METAP1D: variants seen among roughly 807,000 people sequenced by gnomAD.
The protein encoded by METAP1D is methionyl aminopeptidase type 1D, mitochondrial.
Under a neutral mutation model 40.5 loss-of-function variants are expected in METAP1D, and 31 were observed. The ratio of observed to expected loss-of-function variants is 0.77; its 90% confidence interval spans 0.58 to 1.03. The LOEUF (loss-of-function observed/expected upper bound fraction) is 1.03. Among genes scored for constraint, METAP1D ranks in the 50% least tolerant of loss-of-function variants. The pLI is 0.00. For missense variants in METAP1D, 411 were observed against 420.7 expected, an observed-to-expected ratio of 0.98 and a Z score of 0.20; for synonymous variants, 151 against 146.4, an observed-to-expected ratio of 1.03 and a Z score of -0.22.
intron 1 of METAP1D, among the ~76,000 whole-genome samples, chr2:172,033,439 C>T (rs904843996): frequency 3.3e-5 from 5 of 151,712 alleles, no homozygotes; most frequent in African/African-American, 7.3e-5. Context: ...CTGCAACCTC[C>T]GCCTCCCGAG....
At chr2:172,000,186 AC>A (rs1184275372) in intron 1 of METAP1D, among the ~76,000 whole-genome samples, 177 bp downstream of exon 1, 1 of 152,190 alleles carries the variant, frequency 6.6e-6, no homozygotes, top group Non-Finnish European at 1.5e-5. Context: ...ACAGGATCAC[AC>A]ATACAAATTT....
chr2:172,004,162 G>A (rs1688528015), intron 1 of METAP1D, among the ~76,000 whole-genome samples: 1 of 152,096 alleles, frequency 6.6e-6, no homozygotes, highest in Non-Finnish European at 1.5e-5. Flanking sequence ...TGAGAATTTT[G>A]TTACCTTAGT....
At chr2:172,023,177 A>G (rs909994009) in intron 1 of METAP1D, among the ~76,000 whole-genome samples, 3 of 152,326 alleles carry the variant, frequency 2.0e-5, no homozygotes, top group Admixed American at 6.5e-5. Flanking sequence ...AACAAAAGCA[A>G]AACTCCATCT....
At chr2:172,059,207 C>T (rs983536139) in intron 1 of METAP1D, among the ~76,000 whole-genome samples, 3 of 151,040 alleles carry the variant, frequency 2.0e-5, no homozygotes, top group Non-Finnish European at 2.9e-5. Context: ...CTTCCGGGTT[C>T]GAGTAGTTCT....
chr2:172,009,008 G>A (rs903317216), intron 1 of METAP1D, among the ~76,000 whole-genome samples: 2 of 151,974 alleles, frequency 1.3e-5, no homozygotes, highest in African/African-American at 2.4e-5. Flanking sequence ...GTGCAGAACG[G>A]TGTGTTTGTG....
At chr2:172,058,399 G>A (rs901969669) in intron 1 of METAP1D, among the ~76,000 whole-genome samples, 4 of 152,180 alleles carry the variant, frequency 2.6e-5, no homozygotes, top group Non-Finnish European at 5.9e-5. Context: ...AAAAGTCCAG[G>A]CTTCTGCCTT....
intron 1 of METAP1D, among the ~76,000 whole-genome samples, chr2:172,056,785 T>C (rs1690011036): frequency 6.6e-6 from 1 of 152,184 alleles, no homozygotes; most frequent in African/African-American, 2.4e-5. Context: ...GCACTACTAC[T>C]CCCATTTAAT....
At chr2:172,001,627 T>G (rs1688465830) in intron 1 of METAP1D, among the ~76,000 whole-genome samples, 1 of 152,112 alleles carries the variant, frequency 6.6e-6, no homozygotes, top group African/African-American at 2.4e-5. Flanking sequence ...TCGAATAGAC[T>G]TCAGTATTTC....
At position 172,080,610 on chromosome 2, in the gene METAP1D, G is replaced by GAA. The variant is rs988947037; in HGVS notation, c.*208_*209dup. The GAA allele has an allele frequency of 1.6e-6, 1 of 620,286 alleles. No homozygotes were observed. Among genetic ancestry groups the GAA allele is most frequent in the African/African-American group, 1.8e-5 (1 of 54,176 alleles). 38.4% of individuals were successfully genotyped at this position (620,286 alleles called of 1,614,324 possible). On this transcript the variant is annotated 3_prime_UTR_variant, in exon 10 of 10. Transcript: ENST00000315796. ...GCCCTGCTGGGGTCGCGCGGCTTTG[G>GAA]AAAAACAAATCCTGGCCCTGGACTC...
intron 1 of METAP1D, among the ~76,000 whole-genome samples, chr2:172,051,807 T>A (rs1304121923): frequency 6.6e-6 from 1 of 152,186 alleles, no homozygotes; most frequent in Non-Finnish European, 1.5e-5. Context: ...GTGAATTTTA[T>A]TAGTAGTAGT....
At chr2:172,046,613 A>G (rs572722049) in intron 1 of METAP1D, among the ~76,000 whole-genome samples, 2 of 152,326 alleles carry the variant, frequency 1.3e-5, no homozygotes, top group South Asian at 4.1e-4. Flanking sequence ...GTATTAATTT[A>G]AGAAAAGTCT....
At position 171,999,959 on chromosome 2, in the gene METAP1D, C is replaced by A; in HGVS notation, c.-11C>A. On this transcript the variant is annotated 5_prime_UTR_variant, in exon 1 of 10. Coordinates refer to ENST00000315796, the MANE Select transcript of METAP1D (RefSeq NM_199227.3). Reference sequence around the variant, plus strand: ...CGAGCGAGTGCTCGCGGCCACGTGACCGACGCCAACATGGCGGCGCCCAGT... The same window carrying A: ...CGAGCGAGTGCTCGCGGCCACGTGAACGACGCCAACATGGCGGCGCCCAGT... 1 of 1,374,410 alleles carries A rather than the reference C, an allele frequency of 7.3e-7. No homozygotes were observed. Among genetic ancestry groups the A allele is most frequent in the Non-Finnish European group, 9.5e-7 (1 of 1,055,666 alleles). The allele number at this position is 1,374,410 out of a possible 1,614,324, so 85.1% of individuals were successfully genotyped here. A position where few individuals can be genotyped will look rare whatever the true frequency, so the allele number is the denominator to read the frequency against.
intron 1 of METAP1D, among the ~76,000 whole-genome samples, chr2:172,049,774 C>T (rs1689848153): frequency 1.3e-5 from 2 of 152,122 alleles, no homozygotes; most frequent in African/African-American, 4.8e-5. Context: ...TCTGTGTACT[C>T]TCAACTGCAG....
intron 1 of METAP1D, 68 bp from the exon 2 acceptor site, chr2:172,061,430 A>C: frequency 1.5e-6 from 2 of 1,376,638 alleles, no homozygotes; most frequent in East Asian, 4.7e-5. Flanking sequence ...ACAACACCAC[A>C]ACATCTTAAA....
At chr2:172,037,167 C>T (rs1209978455) in intron 1 of METAP1D, among the ~76,000 whole-genome samples, 1 of 151,960 alleles carries the variant, frequency 6.6e-6, no homozygotes, top group East Asian at 1.9e-4. Context: ...GAGGCTGAGA[C>T]AGGAGAATCG....
intron 1 of METAP1D, among the ~76,000 whole-genome samples, chr2:172,049,000 T>C (rs1689824046): frequency 6.6e-6 from 1 of 152,204 alleles, no homozygotes. Context: ...TTTTAACTTT[T>C]TTAAGGCAGG....
intron 1 of METAP1D, among the ~76,000 whole-genome samples, chr2:172,007,745 A>C (rs1688621215): frequency 6.6e-6 from 1 of 152,142 alleles, no homozygotes; most frequent in Non-Finnish European, 1.5e-5. Context: ...GATGGAGTGC[A>C]GTGGCGCATT....
Position 172,066,315 on chromosome 2 carries a change from A to G in METAP1D, c.540+9A>G, listed in dbSNP as rs1181674616. ...TCAACATTGATGTCACAGTGAGTAA[A>G]TCATATAAAAAATTGTCTTTGATCA... On this transcript the variant is annotated intron_variant, in intron 5 of 9. Transcript: ENST00000315796. 2 of 1,607,714 alleles carry G rather than the reference A, an allele frequency of 1.2e-6. No individual in the cohort carries two copies. Among genetic ancestry groups the G allele is most frequent in the Non-Finnish European group, 8.5e-7 (1 of 1,177,040 alleles).
At chr2:172,041,163 CAAAA>C (rs1284103871) in intron 1 of METAP1D, among the ~76,000 whole-genome samples, 2 of 151,758 alleles carry the variant, frequency 1.3e-5, no homozygotes, top group East Asian at 3.9e-4. Flanking sequence ...AACAAACAAA[CAAAA>C]AACCCACTTA....
Sources: gnomAD v4.1 joint callset for allele counts (sites outside exome capture counted in the v4.1 genomes callset) on GRCh38, gnomAD v4.1.1 for gene constraint, MANE v1.5 for transcripts, NCBI Gene and HGNC (gene_info 2026-07-23, HGNC 2026-07-21) for gene names.